The following SH2D4A variants were observed in gnomAD, a reference collection of about 807,000 sequenced individuals.
The protein encoded by SH2D4A is SH2 domain-containing protein 4A.
SH2D4A carries 70 observed loss-of-function variants against 64.7 expected under a neutral mutation model. That is an observed-to-expected ratio of 1.08 (90% confidence interval 0.89 to 1.32). SH2D4A has a LOEUF of 1.32. Ranked by LOEUF, SH2D4A falls within the 40% of genes most tolerant of loss-of-function variation. The probability of loss-of-function intolerance (pLI) is 0.00; values close to 1 mark genes in which losing one functional copy is unlikely to be tolerated. For synonymous variants in SH2D4A, 268 were observed against 200.7 expected (o/e 1.34, Z -2.83); for missense variants, 706 against 540.1 (o/e 1.31, Z -3.04).
chr8:19,389,566 C>T (rs1014876456), intron 8 of SH2D4A, among the ~76,000 whole-genome samples: 1 of 152,156 alleles, frequency 6.6e-6, no homozygotes, highest in Non-Finnish European at 1.5e-5. Flanking sequence ...CTCTTCAGGG[C>T]CAGACACTGC....
At chr8:19,380,022 C>T (rs541582724) in intron 8 of SH2D4A, among the ~76,000 whole-genome samples, 64 of 152,306 alleles carry the variant, frequency 4.2e-4, no homozygotes, top group African/African-American at 1.5e-3. Flanking sequence ...AGGCATGAGT[C>T]ACTGTGCCTG....
rs762006518 is a variant in SH2D4A at position 19,361,298 on chromosome 8, G to C, written c.690G>C (p.Ser230=). 2 of 1,611,048 alleles carry C rather than the reference G, an allele frequency of 1.2e-6. No individual in the cohort carries two copies. The highest frequency in any genetic ancestry group is 2.2e-5 in the South Asian group (2 of 90,190). ...TTTGTAAGAGCTGGAAAGAAGACTCGGAATGGCAGGCATCTCGTGAGTACC... is the reference window on the plus strand; with the variant it reads ...TTTGTAAGAGCTGGAAAGAAGACTCCGAATGGCAGGCATCTCGTGAGTACC... ...KQICKSWKED[S]EWQASLRKSK... is the part of the protein sequence containing the mutation. The change falls in exon 6 of 10, where the codon TCG becomes TCC. Residue 230 remains serine (S), a synonymous_variant. Transcript: ENST00000265807.
At chr8:19,320,531 G>C (rs1156679412) in intron 2 of SH2D4A, among the ~76,000 whole-genome samples, 1 of 149,198 alleles carries the variant, frequency 6.7e-6, no homozygotes, top group Non-Finnish European at 1.5e-5. Flanking sequence ...GGCTGAGGTG[G>C]TGTAATTGCT....
intron 8 of SH2D4A, among the ~76,000 whole-genome samples, chr8:19,386,342 G>A (rs113268859): frequency 0.012 from 1,758 of 152,348 alleles, 36 homozygotes; most frequent in African/African-American, 0.041. Flanking sequence ...TCTATGTAAT[G>A]CTGGCTTTTT....
At chr8:19,385,003 T>C (rs1175813918) in intron 8 of SH2D4A, among the ~76,000 whole-genome samples, 1 of 152,234 alleles carries the variant, frequency 6.6e-6, no homozygotes, top group Non-Finnish European at 1.5e-5. Flanking sequence ...TAATGAACAC[T>C]CTTACTCAAA....
intron 8 of SH2D4A, among the ~76,000 whole-genome samples, chr8:19,375,983 C>G (rs192788047): frequency 1.3e-5 from 2 of 152,132 alleles, no homozygotes; most frequent in East Asian, 1.9e-4. Context: ...GTACCTGCCT[C>G]GGTCACCTCT....
At chr8:19,331,452 G>A (rs2052364166) in intron 2 of SH2D4A, among the ~76,000 whole-genome samples, 1 of 152,180 alleles carries the variant, frequency 6.6e-6, no homozygotes, top group African/African-American at 2.4e-5. Flanking sequence ...ACTCAGGGAT[G>A]GTCTCTGTTG....
intron 7 of SH2D4A, among the ~76,000 whole-genome samples, chr8:19,366,882 A>G (rs2053005832): frequency 6.6e-6 from 1 of 152,214 alleles, no homozygotes; most frequent in Non-Finnish European, 1.5e-5. Context: ...ATTTCACTTA[A>G]CAATGTCCTC....
chr8:19,392,217 T>G (rs796890778), intron 8 of SH2D4A, among the ~76,000 whole-genome samples: 6 of 152,324 alleles, frequency 3.9e-5, no homozygotes, highest in African/African-American at 1.4e-4. Flanking sequence ...CATATGTGTA[T>G]ATAAAGACAC....
chr8:19,348,870 G>A (rs372067315), intron 4 of SH2D4A, among the ~76,000 whole-genome samples: 8 of 152,108 alleles, frequency 5.3e-5, no homozygotes, highest in South Asian at 2.1e-4. Flanking sequence ...TAGATACCTC[G>A]TTCCTGGGGT....
At chr8:19,325,418 T>G (rs1165988991) in intron 2 of SH2D4A, among the ~76,000 whole-genome samples, 1 of 152,196 alleles carries the variant, frequency 6.6e-6, no homozygotes, top group Non-Finnish European at 1.5e-5. Flanking sequence ...CATGAGTCAG[T>G]GGTAGAGTTA....
At chr8:19,336,070 G>A (rs2052441329) in intron 4 of SH2D4A, among the ~76,000 whole-genome samples, 1 of 152,128 alleles carries the variant, frequency 6.6e-6, no homozygotes, top group Non-Finnish European at 1.5e-5. Context: ...ATGGTCAGGG[G>A]TTATTCCACA....
In SH2D4A at chr8:19,373,605, A is replaced by G. The variant is rs776263181; in HGVS notation, c.993A>G (p.Leu331=). The G allele has an allele frequency of 6.2e-7, 1 of 1,613,428 alleles. No homozygotes were observed. The highest frequency in any genetic ancestry group is 1.1e-5 in the South Asian group (1 of 91,044). Residue 331 remains leucine, a synonymous_variant, in exon 8 of 10, where the codon CTA becomes CTG. Transcript: ENST00000265807. The part of the protein sequence containing the change: ...DIIRWFKEEQ[L]PLRAGYQKTS... ...TCCGGTGGTTTAAAGAGGAGCAGCT[A>G]CCACTTCGAGCGGGCTACCAGAAAA...
rs145489668 is a variant in SH2D4A at position 19,382,662 on chromosome 8, T to G, written c.1048+9002T>G. 4.8e-4 allele frequency among the ~76,000 whole-genome samples: 73 copies of G among 152,224 alleles called. 1 individual carries two copies. The South Asian group carries it at 6.6e-3, about 14-fold the overall frequency. Reference sequence around the variant, plus strand: ...ATATTCTCAACTTATGCTGGGTTTATCAGGATGTACTGCCATCATAAGTTG... The same window carrying G: ...ATATTCTCAACTTATGCTGGGTTTAGCAGGATGTACTGCCATCATAAGTTG... On this transcript the variant is annotated intron_variant, in intron 8 of 9. Coordinates refer to ENST00000265807, the MANE Select transcript of SH2D4A (RefSeq NM_022071.4).
intron 5 of SH2D4A, 82 bp downstream of exon 5, chr8:19,357,365 C>G: frequency 9.9e-7 from 1 of 1,012,524 alleles, no homozygotes; most frequent in Non-Finnish European, 1.5e-6. Context: ...TAATTAATCT[C>G]ATGCAGAAAT....
intron 2 of SH2D4A, among the ~76,000 whole-genome samples, chr8:19,329,057 C>T (rs770843075): frequency 8.5e-5 from 13 of 152,164 alleles, no homozygotes; most frequent in Admixed American, 3.3e-4. Context: ...GTGCCCCTCT[C>T]GGCCCTGGTG....
chr8:19,393,201 C>T, intron 8 of SH2D4A, 117 bp from the exon 9 acceptor site: 2 of 865,292 alleles, frequency 2.3e-6, no homozygotes, highest in Non-Finnish European at 3.7e-6. Flanking sequence ...CTTAAAATTG[C>T]TCTTATTGTG....
intron 4 of SH2D4A, among the ~76,000 whole-genome samples, chr8:19,351,018 CTG>C (rs1200464421): frequency 6.6e-6 from 1 of 152,106 alleles, no homozygotes; most frequent in Non-Finnish European, 1.5e-5. Context: ...CGCTTTTTGT[CTG>C]TTAGTCTACT....
In SH2D4A at chr8:19,319,574, G is replaced by A. The variant is rs373846239; in HGVS notation, c.27G>A (p.Met9Ile). 2.5e-6 allele frequency: 4 copies of A among 1,585,100 alleles called. No individual in the cohort carries two copies. In the African/African-American group the frequency reaches 5.5e-5, roughly 22 times the overall value. ...TGCTGAAACAGATACTGTCGGAGAT[G>A]TACATAGATCCTGATCTACTGGCAG... MLKQILSE[M>I]YIDPDLLAEL... The change falls in exon 2 of 10, where the codon ATG (methionine) becomes ATA (isoleucine). Residue 9 changes from methionine (M) to isoleucine (I), a missense_variant. Coordinates refer to ENST00000265807, the MANE Select transcript of SH2D4A (RefSeq NM_022071.4).
Sources: allele counts gnomAD v4.1 joint callset (sites outside exome capture counted in the v4.1 genomes callset), GRCh38; gene constraint gnomAD v4.1.1; transcripts MANE v1.5; gene names NCBI Gene and HGNC (gene_info 2026-07-23, HGNC 2026-07-21).